Variants in STX8 observed in about 807,000 individuals in gnomAD.
STX8 encodes syntaxin-8.
STX8 carries 23 observed loss-of-function variants against 37.5 expected under a neutral mutation model. The ratio of observed to expected loss-of-function variants is 0.61; its 90% CI spans 0.44 to 0.87. STX8 has a LOEUF of 0.87. Among genes scored for constraint, STX8 ranks in the 40% least tolerant of loss-of-function variants. STX8 has a pLI of 0.00. For missense variants in STX8, 313 were observed against 284.7 expected (o/e 1.10, Z -0.71); for synonymous variants, 115 against 99.1 (o/e 1.16, Z -0.95).
chr17:9,539,367 G>A (rs934033995), intron 4 of STX8, among the ~76,000 whole-genome samples: 16 of 152,274 alleles, frequency 1.1e-4, no homozygotes, highest in African/African-American at 3.9e-4. Flanking sequence ...AACAGAGGTA[G>A]GGGCTCTAGG....
At chr17:9,310,966 C>T (rs2142190936) in intron 7 of STX8, among the ~76,000 whole-genome samples, 1 of 152,240 alleles carries the variant, frequency 6.6e-6, no homozygotes, top group African/African-American at 2.4e-5. Flanking sequence ...CGGCCGGGTG[C>T]AATGGCTCGT....
At chr17:9,482,943 C>A (rs1156269063) in intron 6 of STX8, among the ~76,000 whole-genome samples, 1 of 152,032 alleles carries the variant, frequency 6.6e-6, no homozygotes, top group Non-Finnish European at 1.5e-5. Flanking sequence ...AAAAAGAAAT[C>A]TCTTCAAGAG....
At chr17:9,488,198 C>T (rs906103618) in intron 6 of STX8, among the ~76,000 whole-genome samples, 3 of 152,056 alleles carry the variant, frequency 2.0e-5, no homozygotes, top group African/African-American at 4.8e-5. Context: ...TGGTGGCAGG[C>T]GCCTGTAATC....
intron 7 of STX8, among the ~76,000 whole-genome samples, chr17:9,359,603 G>A (rs1326340907): frequency 2.7e-5 from 4 of 145,584 alleles, no homozygotes; most frequent in Non-Finnish European, 4.5e-5. Context: ...CGCCTCCCAC[G>A]TTCATGCCAT....
At chr17:9,386,143 A>G (rs1912005308) in intron 6 of STX8, among the ~76,000 whole-genome samples, 1 of 151,780 alleles carries the variant, frequency 6.6e-6, no homozygotes, top group African/African-American at 2.4e-5. Flanking sequence ...AAATATACAT[A>G]GCAACCTTAT....
chr17:9,352,592 C>T (rs922592892), intron 7 of STX8, among the ~76,000 whole-genome samples: 3 of 151,524 alleles, frequency 2.0e-5, no homozygotes, highest in African/African-American at 4.8e-5. Flanking sequence ...CTCAGCCTCC[C>T]GGGTTCACGC....
At chr17:9,269,804 C>CG (rs1314953856) in intron 7 of STX8, among the ~76,000 whole-genome samples, 1 of 152,196 alleles carries the variant, frequency 6.6e-6, no homozygotes, top group Non-Finnish European at 1.5e-5. Context: ...TGGCAGGGAT[C>CG]GTTCACACTG....
At chr17:9,309,046 T>C (rs1909099783) in intron 7 of STX8, among the ~76,000 whole-genome samples, 1 of 151,864 alleles carries the variant, frequency 6.6e-6, no homozygotes. Flanking sequence ...AGCTTATTCT[T>C]TAAATTCTGA....
chr17:9,410,774 T>C (rs1253350210), intron 6 of STX8, among the ~76,000 whole-genome samples: 2 of 152,238 alleles, frequency 1.3e-5, no homozygotes, highest in Non-Finnish European at 2.9e-5. Context: ...ACAAACTCCA[T>C]GTATTAACTT....
intron 7 of STX8, among the ~76,000 whole-genome samples, chr17:9,327,291 A>AGGAG (rs1909800220): frequency 6.8e-6 from 1 of 148,018 alleles, no homozygotes; most frequent in African/African-American, 2.6e-5. Context: ...GGAAGAAAGA[A>AGGAG]GAAGAAGAAA....
intron 6 of STX8, among the ~76,000 whole-genome samples, chr17:9,418,910 CTCTT>C (rs1913315250): frequency 1.5e-5 from 2 of 135,910 alleles, no homozygotes; most frequent in Non-Finnish European, 3.1e-5. Flanking sequence ...ACACCCCCCC[CTCTT>C]TTTTTTTCTT....
At chr17:9,261,087 C>A (rs569417266) in intron 7 of STX8, among the ~76,000 whole-genome samples, 14 of 152,304 alleles carry the variant, frequency 9.2e-5, no homozygotes, top group African/African-American at 3.4e-4. Flanking sequence ...GGTGACGGGG[C>A]AGAGAGCTGG....
chr17:9,512,543 A>T (rs577193187), intron 4 of STX8, among the ~76,000 whole-genome samples: 1 of 152,130 alleles, frequency 6.6e-6, no homozygotes, highest in Admixed American at 6.5e-5. Flanking sequence ...AGTCACTGCA[A>T]CCTGTGCCTC....
chr17:9,363,385 G>C (rs1267109352), intron 7 of STX8, among the ~76,000 whole-genome samples: 1 of 152,116 alleles, frequency 6.6e-6, no homozygotes, highest in Admixed American at 6.5e-5. Flanking sequence ...AGTGTAATGA[G>C]AACTGATGAG....
intron 4 of STX8, among the ~76,000 whole-genome samples, chr17:9,510,177 T>C (rs1904976000): frequency 6.6e-6 from 1 of 152,176 alleles, no homozygotes; most frequent in African/African-American, 2.4e-5. Context: ...TCAAATAGAG[T>C]AATAGCTGGA....
chr17:9,505,700 G>A (rs909710012), intron 4 of STX8, among the ~76,000 whole-genome samples: 2 of 152,134 alleles, frequency 1.3e-5, no homozygotes, highest in African/African-American at 4.8e-5. Flanking sequence ...CAGCCCTCTG[G>A]GAGGCTGAGG....
chr17:9,390,125 A>C (rs992828048), intron 6 of STX8, among the ~76,000 whole-genome samples: 18 of 152,172 alleles, frequency 1.2e-4, no homozygotes, highest in African/African-American at 4.3e-4. Context: ...ACACTCGCTC[A>C]CACCTTATAC....
At chr17:9,559,735 T>TATATATATATATATAC (rs1555537464) in intron 2 of STX8, among the ~76,000 whole-genome samples, 5 of 28,344 alleles carry the variant, frequency 1.8e-4, no homozygotes, top group African/African-American at 3.3e-4. Flanking sequence ...ATTATTATTT[T>TATATATATATATATAC]ATATATATAT....
intron 6 of STX8, among the ~76,000 whole-genome samples, chr17:9,474,240 C>T (rs892950649): frequency 3.9e-5 from 6 of 152,210 alleles, no homozygotes; most frequent in African/African-American, 1.4e-4. Flanking sequence ...ATATACTGTG[C>T]CTTTTCCATT....
Sources: gnomAD v4.1 joint callset for allele counts (sites outside exome capture counted in the v4.1 genomes callset) on GRCh38, gnomAD v4.1.1 for gene constraint, MANE v1.5 for transcripts, NCBI Gene and HGNC (gene_info 2026-07-23, HGNC 2026-07-21) for gene names.